Variants in AKR1D1 observed in about 807,000 individuals in gnomAD.
AKR1D1 encodes delta(4)-3-ketosteroid 5-beta-reductase.
In AKR1D1, 32 loss-of-function variants were observed where a neutral mutation model predicts 42.6. The ratio of observed to expected loss-of-function variants is 0.75; its 90% confidence interval spans 0.57 to 1.01. The LOEUF (loss-of-function observed/expected upper bound fraction) is 1.01. Ranked by LOEUF, AKR1D1 falls within the 50% of genes least tolerant of loss-of-function variation. AKR1D1 has a pLI of 0.00. For synonymous variants in AKR1D1, 123 were observed against 135.5 expected, an observed-to-expected ratio of 0.91 and a Z score of 0.64; for missense variants, 364 against 402.2, an observed-to-expected ratio of 0.91 and a Z score of 0.81.
Position 138,107,607 on chromosome 7 carries a change from A to G in AKR1D1, c.855+27A>G. The G allele has an allele frequency of 2.5e-6, 4 of 1,611,322 alleles. No individual in the cohort carries two copies. In the South Asian group the frequency reaches 4.4e-5, roughly 18 times the overall value. On this transcript the variant is annotated intron_variant, in intron 7 of 8. Coordinates refer to ENST00000242375, the MANE Select transcript of AKR1D1 (RefSeq NM_005989.4). Reference sequence around the variant, plus strand: ...TAAGAGAATTGCTTTTGGAGATGTGAAAAGATGGGTATGTTTGCTATTTTT... The same window carrying G: ...TAAGAGAATTGCTTTTGGAGATGTGGAAAGATGGGTATGTTTGCTATTTTT...
intron 7 of AKR1D1, among the ~76,000 whole-genome samples, chr7:138,112,059 AG>A (rs1237769348): frequency 6.6e-6 from 1 of 152,144 alleles, no homozygotes; most frequent in Non-Finnish European, 1.5e-5. Context: ...TCTTTGAAAA[AG>A]ATCATACCTA....
chr7:138,098,448 A>G (rs901790072), intron 4 of AKR1D1: 1 of 154,010 alleles, frequency 6.5e-6, no homozygotes, highest in African/African-American at 2.4e-5. Context: ...TGTCTCTACT[A>G]AAAATAAAAA....
chr7:138,107,222 T>G lies in AKR1D1; in HGVS notation c.690-193T>G, dbSNP rs547754878. 31 of 759,342 alleles carry G rather than the reference T, an allele frequency of 4.1e-5. 2 individuals are homozygous for G. In the African/African-American group the frequency reaches 4.6e-4, roughly 11 times the overall value. 47.0% of individuals were successfully genotyped at this position (759,342 alleles called of 1,614,324 possible). A position where few individuals can be genotyped will look rare whatever the true frequency, so the allele number is the denominator to read the frequency against. On this transcript the variant is annotated intron_variant, in intron 6 of 8. Coordinates refer to ENST00000242375, the MANE Select transcript of AKR1D1 (RefSeq NM_005989.4). ...AGGAGGCAGCTCCATAAACTTGCCT[T>G]GCTTGATCTTCCCATACTACGAGTA...
At chr7:138,096,441 C>T (rs1236115735) in intron 3 of AKR1D1, among the ~76,000 whole-genome samples, 7 of 152,104 alleles carry the variant, frequency 4.6e-5, no homozygotes, top group Non-Finnish European at 7.4e-5. Flanking sequence ...AGAAAGCACC[C>T]CTCCTCGTCT....
chr7:138,091,547 C>T (rs1042870461), intron 2 of AKR1D1, among the ~76,000 whole-genome samples: 2 of 151,812 alleles, frequency 1.3e-5, no homozygotes, highest in Admixed American at 6.6e-5. Flanking sequence ...TGTGTACAAG[C>T]GGCTAGGCAC....
intron 1 of AKR1D1, among the ~76,000 whole-genome samples, chr7:138,086,405 A>G (rs1425732174): frequency 6.6e-6 from 1 of 152,010 alleles, no homozygotes; most frequent in African/African-American, 2.4e-5. Context: ...TCATGTTGTT[A>G]TTTAATTAAC....
intron 4 of AKR1D1, among the ~76,000 whole-genome samples, chr7:138,099,495 T>A (rs528811643): frequency 6.6e-6 from 1 of 151,472 alleles, no homozygotes; most frequent in African/African-American, 2.4e-5. Flanking sequence ...AAAATAAAAA[T>A]TAAAAAATAA....
intron 1 of AKR1D1, among the ~76,000 whole-genome samples, chr7:138,082,219 T>C (rs141113010): frequency 1.4e-3 from 212 of 152,328 alleles, no homozygotes; most frequent in Non-Finnish European, 2.1e-3. Flanking sequence ...ATTTTAGATA[T>C]CTTATCAGAT....
At chr7:138,103,793 C>G (rs1794363936) in intron 4 of AKR1D1, among the ~76,000 whole-genome samples, 1 of 152,078 alleles carries the variant, frequency 6.6e-6, no homozygotes, top group South Asian at 2.1e-4. Context: ...ATTTTAAGCA[C>G]ATATATATCA....
intron 4 of AKR1D1, among the ~76,000 whole-genome samples, chr7:138,100,847 G>C (rs375839686): frequency 6.6e-6 from 1 of 151,324 alleles, no homozygotes; most frequent in African/African-American, 2.4e-5. Context: ...TGGGACTATA[G>C]GTGCCCGCCA....
At chr7:138,107,204 A>C in intron 6 of AKR1D1, 1 of 732,356 alleles carries the variant, frequency 1.4e-6, no homozygotes, top group Non-Finnish European at 2.5e-6. Flanking sequence ...TGAAGGAGGC[A>C]GCTCCATAAA....
At chr7:138,113,612 G>A (rs563867200) in intron 7 of AKR1D1, 78 bp from the exon 8 acceptor site, 1 of 1,201,888 alleles carries the variant, frequency 8.3e-7, no homozygotes, top group Admixed American at 1.8e-5. Flanking sequence ...TACATCTTTG[G>A]AAGGCTCCCA....
At chr7:138,087,529 G>A (rs1024782857) in intron 1 of AKR1D1, among the ~76,000 whole-genome samples, 1 of 152,036 alleles carries the variant, frequency 6.6e-6, no homozygotes, top group African/African-American at 2.4e-5. Flanking sequence ...TTTTTCCTCA[G>A]TTTCATTGAG....
intron 1 of AKR1D1, among the ~76,000 whole-genome samples, chr7:138,083,241 T>A (rs966933733): frequency 1.2e-4 from 18 of 152,152 alleles, no homozygotes; most frequent in Non-Finnish European, 2.4e-4. Context: ...GTCATCCTAA[T>A]GGGTGTGAGG....
intron 3 of AKR1D1, among the ~76,000 whole-genome samples, chr7:138,095,004 G>A (rs1237246318): frequency 3.3e-5 from 5 of 152,122 alleles, no homozygotes; most frequent in African/African-American, 1.2e-4. Context: ...ATTTTTAAAG[G>A]GTTGGGTTAT....
chr7:138,107,082 C>G, intron 6 of AKR1D1: 1 of 518,080 alleles, frequency 1.9e-6, no homozygotes, highest in Non-Finnish European at 3.5e-6. Flanking sequence ...AATTTTTCTA[C>G]TTTAAGATGA....
intron 4 of AKR1D1, among the ~76,000 whole-genome samples, chr7:138,100,088 CAAAAAAAAAAAAAAA>C (rs59361346): frequency 2.8e-4 from 12 of 43,536 alleles, no homozygotes; most frequent in Admixed American, 2.2e-3. Context: ...GATTTCATCT[CAAAAAAAAAAAAAAA>C]AAAAAAAAAA....
chr7:138,082,204 ATTTAAT>A (rs936246952), intron 1 of AKR1D1, among the ~76,000 whole-genome samples: 12 of 152,122 alleles, frequency 7.9e-5, no homozygotes, highest in African/African-American at 2.9e-4. Flanking sequence ...TGATGCGTCC[ATTTAAT>A]TTTAGATATC....
intron 3 of AKR1D1, among the ~76,000 whole-genome samples, chr7:138,095,363 A>T (rs1171646060): frequency 6.6e-6 from 1 of 152,250 alleles, no homozygotes; most frequent in Non-Finnish European, 1.5e-5. Context: ...ATGTGGCATC[A>T]AGGAGAAAAG....
Sources: allele counts gnomAD v4.1 joint callset (sites outside exome capture counted in the v4.1 genomes callset), GRCh38; gene constraint gnomAD v4.1.1; transcripts MANE v1.5; gene names NCBI Gene and HGNC (gene_info 2026-07-23, HGNC 2026-07-21).